The following SURF4 variants were observed in gnomAD, a reference collection of about 807,000 sequenced individuals.
SURF4 encodes surfeit locus protein 4.
In SURF4, 3 loss-of-function variants were observed where a neutral mutation model predicts 30.0. The observed-to-expected ratio is 0.10, with a 90% confidence interval of 0.05 to 0.26. The LOEUF is 0.26. Among genes scored for constraint, SURF4 ranks in the 10% least tolerant of loss-of-function variants. SURF4 has a pLI of 1.00. For synonymous variants in SURF4, 143 were observed against 139.9 expected (o/e 1.02, Z -0.16); for missense variants, 217 against 350.8 (o/e 0.62, Z 3.05).
At chr9:133,366,559 G>A (rs2130127258) in intron 3 of SURF4, 40 bp downstream of exon 3, 1 of 1,606,720 alleles carries the variant, frequency 6.2e-7, no homozygotes, top group Admixed American at 1.7e-5. Context: ...TGCTCCACCA[G>A]AGCAAAGAGA....
upstream of SURF4, chr9:133,376,433 GC>G: frequency 6.5e-7 from 1 of 1,535,340 alleles, no homozygotes; most frequent in East Asian, 2.5e-5. Context: ...GCGGGGTGGG[GC>G]CAGGGGTGGA....
chr9:133,375,182 T>C, intron 1 of SURF4: 1 of 983,518 alleles, frequency 1.0e-6, no homozygotes, highest in Non-Finnish European at 1.2e-6. Flanking sequence ...TCCCGAATGC[T>C]CTCAACAGTT....
chr9:133,365,904 T>C (rs1165922588), intron 4 of SURF4, 81 bp downstream of exon 4: 1 of 1,425,692 alleles, frequency 7.0e-7, no homozygotes, highest in Non-Finnish European at 9.9e-7. Context: ...TTTTTCCCAT[T>C]TTGGAGCATT....
At chr9:133,370,181 C>T (rs1289039363) in intron 1 of SURF4, among the ~76,000 whole-genome samples, 1 of 152,192 alleles carries the variant, frequency 6.6e-6, no homozygotes, top group Non-Finnish European at 1.5e-5. Flanking sequence ...GTTTAAAAGT[C>T]TCTTTGAATG....
intron 1 of SURF4, among the ~76,000 whole-genome samples, chr9:133,371,705 C>A (rs587610816): frequency 6.6e-6 from 1 of 152,224 alleles, no homozygotes; most frequent in Admixed American, 6.5e-5. Flanking sequence ...CAGGGTATGA[C>A]AGAGCCTGCC....
intron 1 of SURF4, chr9:133,372,677 T>C (rs2130199020): frequency 3.1e-6 from 3 of 979,506 alleles, no homozygotes; most frequent in Non-Finnish European, 3.6e-6. Flanking sequence ...AAAATGGATG[T>C]GTCACTTTAT....
chr9:133,367,731 A>G (rs182193291), intron 1 of SURF4, among the ~76,000 whole-genome samples: 7 of 152,258 alleles, frequency 4.6e-5, no homozygotes, highest in African/African-American at 1.7e-4. Context: ...CAGCCCTAAC[A>G]CTCTGCTACC....
intron 1 of SURF4, chr9:133,375,358 G>C (rs2130235926): frequency 1.4e-5 from 14 of 985,512 alleles, no homozygotes; most frequent in Middle Eastern, 1.0e-3. Flanking sequence ...GACGCAGACA[G>C]GGTCAAAGGG....
At chr9:133,375,188 C>G in intron 1 of SURF4, 1 of 984,928 alleles carries the variant, frequency 1.0e-6, no homozygotes, top group Non-Finnish European at 1.2e-6. Context: ...ATGCTCTCAA[C>G]AGTTACCCAA....
intron 1 of SURF4, chr9:133,372,516 C>T (rs2130197892): frequency 8.3e-6 from 7 of 847,532 alleles, no homozygotes; most frequent in Non-Finnish European, 9.9e-6. Flanking sequence ...ATCATGGACC[C>T]GGCCCAGTGA....
At chr9:133,376,142 G>T (rs1048960925), upstream of SURF4, 4 of 1,206,726 alleles carry the variant, frequency 3.3e-6, no homozygotes, top group Non-Finnish European at 4.1e-6. Context: ...GCCGCGCGCC[G>T]CCCGGGCCCG....
At chr9:133,367,143 G>C in intron 2 of SURF4, 116 bp downstream of exon 2, 2 of 1,323,218 alleles carry the variant, frequency 1.5e-6, no homozygotes. Context: ...GAGAAGAGGG[G>C]AATGGAGGGG....
At chr9:133,376,209 C>A, upstream of SURF4, 1 of 1,278,726 alleles carries the variant, frequency 7.8e-7, no homozygotes. Context: ...CCCATCCGCT[C>A]GAAGCCACGC....
rs1009302831 is a variant in SURF4, at chr9:133,373,982, A to G, written c.48+1940T>C. On this transcript the variant is annotated intron_variant, in intron 1 of 5. Coordinates refer to ENST00000371989, the MANE Select transcript of SURF4 (RefSeq NM_033161.4). Reference sequence around the variant, plus strand: ...AGACACTGGGAACTTTTTTTTGTCAATAGGGGAGTCTGTCATTTGCTAGTG... The same window carrying G: ...AGACACTGGGAACTTTTTTTTGTCAGTAGGGGAGTCTGTCATTTGCTAGTG... Among the ~76,000 whole-genome samples, 75 of 146,332 alleles carry G rather than the reference A, an allele frequency of 5.1e-4. 1 individual carries two copies. The highest frequency in any genetic ancestry group is 2.0e-4 in the East Asian group (1 of 4,926).
At chr9:133,376,282 G>A (rs1020347721), upstream of SURF4, 2 of 1,316,332 alleles carry the variant, frequency 1.5e-6, no homozygotes, top group South Asian at 2.1e-5. Flanking sequence ...CAGGCCCTGC[G>A]GTCCCTCCCG....
chr9:133,376,146 G>C (rs1302176702), upstream of SURF4: 1 of 1,207,298 alleles, frequency 8.3e-7, no homozygotes, highest in African/African-American at 1.6e-5. Context: ...CGCGCCGCCC[G>C]GGCCCGCCCC....
chr9:133,364,201 GAC>G (rs1837017978), intron 5 of SURF4, among the ~76,000 whole-genome samples: 2 of 152,142 alleles, frequency 1.3e-5, no homozygotes, highest in Admixed American at 1.3e-4. Context: ...CCTGACACCT[GAC>G]ACACAGGAAT....
chr9:133,376,602 T>C (rs2130249922), upstream of SURF4: 1 of 1,518,916 alleles, frequency 6.6e-7, no homozygotes. Context: ...CTCCGTGGGG[T>C]AACGGTCGCA....
At chr9:133,365,123 G>A in intron 4 of SURF4, 97 bp from the exon 5 acceptor site, 1 of 1,179,468 alleles carries the variant, frequency 8.5e-7, no homozygotes, top group South Asian at 1.6e-5. Context: ...AGTATAAGAA[G>A]GCCCTTACTT....
Sources: gnomAD v4.1 joint callset for allele counts (sites outside exome capture counted in the v4.1 genomes callset) on GRCh38, gnomAD v4.1.1 for gene constraint, MANE v1.5 for transcripts, NCBI Gene and HGNC (gene_info 2026-07-23, HGNC 2026-07-21) for gene names.